The following AGBL4 variants were observed in gnomAD, a reference collection of about 807,000 sequenced individuals.
AGBL4 encodes the protein cytosolic carboxypeptidase 6.
AGBL4 carries 58 observed loss-of-function variants against 66.4 expected under a neutral mutation model. The ratio of observed to expected loss-of-function variants is 0.87; its 90% CI spans 0.71 to 1.09. The LOEUF (loss-of-function observed/expected upper bound fraction) is 1.09. Among genes scored for constraint, AGBL4 ranks in the 50% least tolerant of loss-of-function variants. The pLI is 0.00. For missense variants in AGBL4, 579 were observed against 631.0 expected (o/e 0.92, Z 0.88); for synonymous variants, 234 against 222.9 (o/e 1.05, Z -0.44).
chr1:49,866,619 C>T (rs1360016152), intron 1 of AGBL4, among the ~76,000 whole-genome samples: 1 of 151,986 alleles, frequency 6.6e-6, no homozygotes, highest in African/African-American at 2.4e-5. Flanking sequence ...CAAATATTAG[C>T]CGGGCGTGGT....
intron 5 of AGBL4, among the ~76,000 whole-genome samples, chr1:49,044,144 C>T (rs1034486855): frequency 1.3e-5 from 2 of 152,100 alleles, no homozygotes; most frequent in Admixed American, 6.6e-5. Flanking sequence ...AGAGTAAAAC[C>T]TATGAATCCA....
intron 6 of AGBL4, among the ~76,000 whole-genome samples, chr1:48,705,490 A>T (rs1473347864): frequency 6.6e-6 from 1 of 152,210 alleles, no homozygotes; most frequent in East Asian, 1.9e-4. Flanking sequence ...ACATTGTCTC[A>T]TCTAATTCTC....
intron 6 of AGBL4, among the ~76,000 whole-genome samples, chr1:48,770,282 A>G (rs988200921): frequency 6.6e-6 from 1 of 152,300 alleles, no homozygotes; most frequent in Middle Eastern, 3.4e-3. Flanking sequence ...TGTCTGACCA[A>G]TGAGTGAAAA....
At chr1:48,675,164 C>T (rs921456936) in intron 6 of AGBL4, among the ~76,000 whole-genome samples, 1 of 152,176 alleles carries the variant, frequency 6.6e-6, no homozygotes, top group Non-Finnish European at 1.5e-5. Context: ...CCACACCCAT[C>T]GCATGTTGGA....
At chr1:49,776,623 G>C (rs1644205148) in intron 2 of AGBL4, among the ~76,000 whole-genome samples, 1 of 151,966 alleles carries the variant, frequency 6.6e-6, no homozygotes, top group East Asian at 1.9e-4. Flanking sequence ...CTTCATCACT[G>C]CTCTTCACAT....
intron 3 of AGBL4, among the ~76,000 whole-genome samples, chr1:49,398,782 A>T (rs1376673564): frequency 6.6e-6 from 1 of 152,142 alleles, no homozygotes; most frequent in Admixed American, 6.5e-5. Flanking sequence ...GTACTGTAGA[A>T]CAATCACCTC....
At chr1:48,939,127 T>G (rs375723295) in intron 5 of AGBL4, among the ~76,000 whole-genome samples, 2 of 152,254 alleles carry the variant, frequency 1.3e-5, no homozygotes, top group East Asian at 3.8e-4. Context: ...CATCTCTTTA[T>G]GTCTTTTCCC....
chr1:48,865,132 C>T (rs6684570), intron 6 of AGBL4, among the ~76,000 whole-genome samples: 2 of 151,816 alleles, frequency 1.3e-5, no homozygotes, highest in African/African-American at 4.8e-5. Context: ...CTACTGGCAG[C>T]GCAAGAAAGG....
At chr1:49,701,599 A>T in intron 2 of AGBL4, among the ~76,000 whole-genome samples, 1 of 152,070 alleles carries the variant, frequency 6.6e-6, no homozygotes, top group East Asian at 1.9e-4. Flanking sequence ...GAGCAAAATA[A>T]ACCCAAAGAA....
intron 3 of AGBL4, among the ~76,000 whole-genome samples, chr1:49,326,195 C>CTGAGATTT (rs766700169): frequency 3.0e-4 from 45 of 152,206 alleles, no homozygotes; most frequent in Non-Finnish European, 4.7e-4. Flanking sequence ...AATAAATTTT[C>CTGAGATTT]TGAGATTTTG....
At chr1:49,820,367 C>G (rs1198730416) in intron 2 of AGBL4, among the ~76,000 whole-genome samples, 1 of 152,128 alleles carries the variant, frequency 6.6e-6, no homozygotes, top group Non-Finnish European at 1.5e-5. Context: ...CACTTAACTG[C>G]CAATTTCATT....
intron 7 of AGBL4, among the ~76,000 whole-genome samples, chr1:48,658,196 G>A (rs988286470): frequency 6.6e-6 from 1 of 152,212 alleles, no homozygotes; most frequent in Non-Finnish European, 1.5e-5. Context: ...AGTTCTGCTG[G>A]CTTCAAAGCA....
chr1:49,371,168 G>A (rs970432411), intron 3 of AGBL4, among the ~76,000 whole-genome samples: 9 of 152,028 alleles, frequency 5.9e-5, no homozygotes, highest in Non-Finnish European at 1.0e-4. Context: ...CTAATTGTAT[G>A]AGCCAATTCT....
intron 3 of AGBL4, among the ~76,000 whole-genome samples, chr1:49,380,381 G>C (rs1413915419): frequency 1.3e-5 from 2 of 152,072 alleles, no homozygotes; most frequent in Non-Finnish European, 2.9e-5. Flanking sequence ...CATGCTCATG[G>C]GTAGGAAGAA....
chr1:49,389,291 TGAGG>T (rs1231994256), intron 3 of AGBL4, among the ~76,000 whole-genome samples: 6 of 152,082 alleles, frequency 3.9e-5, no homozygotes, highest in Non-Finnish European at 5.9e-5. Flanking sequence ...ATAATTTGAC[TGAGG>T]GCAAACAGCA....
intron 3 of AGBL4, among the ~76,000 whole-genome samples, chr1:49,535,766 A>G (rs2148818608): frequency 6.6e-6 from 1 of 152,252 alleles, no homozygotes; most frequent in Admixed American, 6.5e-5. Flanking sequence ...ATCTCGGCTC[A>G]CTGCAAGCTC....
rs531377835 is a variant in AGBL4 at position 49,392,734 on chromosome 1, C to G, written c.283-146870G>C. ...ACACACACACACACACACACACACA[C>G]ATCATATACATGCATAGAGAAAACA... On this transcript the variant is annotated intron_variant, in intron 3 of 13. Coordinates refer to ENST00000371839, the MANE Select transcript of AGBL4 (RefSeq NM_032785.4). 5.0e-5 allele frequency among the ~76,000 whole-genome samples: 7 copies of G among 140,040 alleles called. No individual in the cohort carries two copies. In the East Asian group the frequency reaches 1.4e-3, roughly 28 times the overall value. 91.9% of individuals were successfully genotyped at this position (140,040 alleles called of 152,430 possible).
intron 1 of AGBL4, among the ~76,000 whole-genome samples, chr1:49,979,464 C>A (rs1282023486): frequency 6.7e-6 from 1 of 149,120 alleles, no homozygotes. Context: ...CGAGACTCCG[C>A]CTCAAAAAAA....
intron 1 of AGBL4, among the ~76,000 whole-genome samples, chr1:50,014,780 C>A (rs1661854683): frequency 6.6e-6 from 1 of 152,040 alleles, no homozygotes; most frequent in Non-Finnish European, 1.5e-5. Context: ...CTGCCTTGGC[C>A]TCCCAAAGTG....
Sources: gnomAD v4.1 joint callset for allele counts (sites outside exome capture counted in the v4.1 genomes callset) on GRCh38, gnomAD v4.1.1 for gene constraint, MANE v1.5 for transcripts, NCBI Gene and HGNC (gene_info 2026-07-23, HGNC 2026-07-21) for gene names.